The following OSGIN1 variants were observed in gnomAD, a reference collection of about 807,000 sequenced individuals.
The protein encoded by OSGIN1 is oxidative stress induced growth inhibitor 1.
OSGIN1 carries 19 observed loss-of-function variants against 20.1 expected under a neutral mutation model. The observed-to-expected ratio is 0.95, with a 90% CI of 0.66 to 1.39. The LOEUF (loss-of-function observed/expected upper bound fraction) is 1.39, where lower values mean the gene tolerates loss of function less well. OSGIN1 is among the 40% of genes most tolerant of loss of function. The pLI is 0.00. For synonymous variants in OSGIN1, 368 were observed against 297.8 expected (o/e 1.24, Z -2.43); for missense variants, 820 against 653.0 (o/e 1.26, Z -2.79).
At chr16:83,958,518 C>A (rs1328750784) in intron 2 of OSGIN1, among the ~76,000 whole-genome samples, 3 of 152,172 alleles carry the variant, frequency 2.0e-5, no homozygotes, top group Non-Finnish European at 4.4e-5. Context: ...GTGAGATGGT[C>A]ATTTCTGTAA....
In OSGIN1 at chr16:83,958,663, C is replaced by T. The variant is rs79243854; in HGVS notation, c.68-597C>T. ...AGAGAAGCGCTATCACAGGGCTGTG[C>T]CTGGTGAATCGCCCAGGAAGCGCCA... On this transcript the variant is annotated intron_variant, in intron 2 of 5. Transcript: ENST00000393306. Among the ~76,000 whole-genome samples the T allele has an allele frequency of 6.3e-3, 961 of 152,340 alleles. 11 individuals are homozygous for T. Among genetic ancestry groups the T allele is most frequent in the African/African-American group, 0.022 (918 of 41,576 alleles).
In OSGIN1 at chr16:83,953,244, C is replaced by T. The variant is rs1343271942; in HGVS notation, c.-159C>T. 1 of 1,283,838 alleles carries T rather than the reference C, an allele frequency of 7.8e-7. No homozygotes were observed. Among genetic ancestry groups the T allele is most frequent in the South Asian group, 1.2e-5 (1 of 80,086 alleles). The allele number at this position is 1,283,838 out of a possible 1,614,324, so 79.5% of individuals were successfully genotyped here. ...CTCACTTCCCTCTGGCCTCTCAGAGCCTCTTGGATCCCCACAGGGTAATGG... is the reference window on the plus strand; with the variant it reads ...CTCACTTCCCTCTGGCCTCTCAGAGTCTCTTGGATCCCCACAGGGTAATGG... On this transcript the variant is annotated 5_prime_UTR_variant, in exon 1 of 6. Transcript: ENST00000393306.
intron 4 of OSGIN1, 64 bp downstream of exon 4, chr16:83,960,824 C>A: frequency 6.5e-7 from 1 of 1,536,340 alleles, no homozygotes; most frequent in Non-Finnish European, 8.9e-7. Flanking sequence ...CCACTTGGGG[C>A]TGGGACTCTG....
Position 83,960,651 on chromosome 16 carries a change from A to T in OSGIN1, c.287A>T (p.Asp96Val). ...ALLFDALLRP[D>V]TDFGGNMKSV... ...CTCTTTGATGCCCTTCTACGCCCAG[A>T]CACAGACTTTGGGGGAAACATGAAG... The change falls in exon 4 of 6, where the codon GAC (aspartate) becomes GTC (valine). Residue 96 changes from aspartate (D) to valine (V), a missense_variant. Transcript: ENST00000393306. The T allele has an allele frequency of 6.2e-7, 1 of 1,613,582 alleles. No individual in the cohort carries two copies. The highest frequency in any genetic ancestry group is 8.5e-7 in the Non-Finnish European group (1 of 1,180,020).
intron 5 of OSGIN1, among the ~76,000 whole-genome samples, chr16:83,962,249 G>C (rs986493928): frequency 1.3e-5 from 2 of 152,070 alleles, no homozygotes; most frequent in Admixed American, 1.3e-4. Context: ...TTTATTTGTT[G>C]TTTGTTTTTA....
In OSGIN1 at chr16:83,959,385, A is replaced by T. The variant is rs368306055; in HGVS notation, c.193A>T (p.Ile65Phe). The T allele has an allele frequency of 1.2e-6, 2 of 1,613,718 alleles. No homozygotes were observed. The highest frequency in any genetic ancestry group is 3.3e-5 in the Admixed American group (2 of 59,980). ...GCTCACCGAGGCCCCGGGGGTCTCC[A>T]TCCTGGACCAGGTGGGTCAGCCTGG... is the stretch of plus-strand genomic sequence containing the variant. ...RKLTEAPGVS[I>F]LDQDLDYLSE... Residue 65 changes from isoleucine (I) to phenylalanine (F), a missense_variant, in exon 3 of 6, where the codon ATC (isoleucine) becomes TTC (phenylalanine). Ile to Phe is a conservative substitution (Grantham distance 21, BLOSUM62 0). Coordinates refer to ENST00000393306, the MANE Select transcript of OSGIN1 (RefSeq NM_182981.3).
At chr16:83,955,790 G>T (rs939408834) in intron 1 of OSGIN1, among the ~76,000 whole-genome samples, 2 of 152,184 alleles carry the variant, frequency 1.3e-5, no homozygotes, top group African/African-American at 4.8e-5. Flanking sequence ...AGCTGAGCAT[G>T]AAGAGGCCAT....
intron 1 of OSGIN1, 46 bp downstream of exon 1, chr16:83,953,416 C>A: frequency 7.8e-7 from 1 of 1,283,592 alleles, no homozygotes; most frequent in Non-Finnish European, 1.0e-6. Flanking sequence ...CAGGCACATC[C>A]CAGGCACCCG....
In OSGIN1 at chr16:83,965,520, G is replaced by A. The variant is rs145684148; in HGVS notation, c.947G>A (p.Arg316His). The A allele has an allele frequency of 2.9e-5, 46 of 1,612,160 alleles. No homozygotes were observed. The highest frequency in any genetic ancestry group is 6.7e-5 in the African/African-American group (5 of 74,914). Residue 316 changes from arginine (R) to histidine (H), a missense_variant, in exon 6 of 6, where the codon CGC (arginine) becomes CAC (histidine). Arg to His is a conservative substitution (Grantham distance 29). Coordinates refer to ENST00000393306, the MANE Select transcript of OSGIN1 (RefSeq NM_182981.3). ...HYNIPVIHAF[R>H]RAVDDPGLVF... Reference sequence around the variant, plus strand: ...AACATCCCGGTGATCCATGCCTTCCGCCGGGCCGTGGACGACCCTGGCCTG... The same window carrying A: ...AACATCCCGGTGATCCATGCCTTCCACCGGGCCGTGGACGACCCTGGCCTG...
Position 83,959,349 on chromosome 16 carries a change from C to CT in OSGIN1, c.158dup (p.Gln54AlafsTer37), listed in dbSNP as rs774036494. On this transcript the variant is annotated frameshift_variant, in exon 3 of 6. Transcript: ENST00000393306. LOFTEE classifies it high-confidence loss of function. ...AGATGCCATCCACCCACACCCCCTG[C>CT]TGCAGAGGAAGCTCACCGAGGCCCC... is the stretch of plus-strand genomic sequence containing the variant. The CT allele has an allele frequency of 3.7e-6, 6 of 1,613,890 alleles. No individual in the cohort carries two copies. The African/African-American group carries it at 4.0e-5, about 11-fold the overall frequency.
chr16:83,960,470 T>C, intron 3 of OSGIN1, 99 bp from the exon 4 acceptor site: 5 of 906,434 alleles, frequency 5.5e-6, no homozygotes, highest in Non-Finnish European at 5.2e-6. Context: ...GCCAGGGAAA[T>C]GGCCCGGCCC....
rs567875960 is a variant in OSGIN1 at position 83,959,457 on chromosome 16, C to T, written c.204+61C>T. On this transcript the variant is annotated intron_variant, in intron 3 of 5. Coordinates refer to ENST00000393306, the MANE Select transcript of OSGIN1 (RefSeq NM_182981.3). The stretch of plus-strand genomic sequence containing the variant: ...ATACCCGCCCTTGGAAAACTACCGC[C>T]GCTTTCCCAGGGAAAAACAAAAGTG... 1.5e-5 allele frequency: 22 copies of T among 1,487,612 alleles called. No individual in the cohort carries two copies. The East Asian group carries it at 3.5e-4, about 24-fold the overall frequency. The allele number at this position is 1,487,612 out of a possible 1,614,324, so 92.2% of individuals were successfully genotyped here. A position where few individuals can be genotyped will look rare whatever the true frequency, so the allele number is the denominator to read the frequency against.
intron 2 of OSGIN1, among the ~76,000 whole-genome samples, chr16:83,958,359 C>A (rs1909042990): frequency 6.6e-6 from 1 of 152,180 alleles, no homozygotes; most frequent in Admixed American, 6.5e-5. Context: ...TGGTCCTGAG[C>A]CCACACTGAT....
intron 2 of OSGIN1, 110 bp from the exon 3 acceptor site, chr16:83,959,150 A>G (rs767355017): frequency 6.6e-6 from 5 of 752,682 alleles, no homozygotes; most frequent in Non-Finnish European, 1.1e-5. Flanking sequence ...ATTTATTTTT[A>G]TGAATGAAGG....
intron 5 of OSGIN1, among the ~76,000 whole-genome samples, chr16:83,962,862 C>T (rs183871918): frequency 2.4e-4 from 36 of 152,270 alleles, no homozygotes; most frequent in Admixed American, 4.6e-4. Flanking sequence ...TTGAGTAGGA[C>T]GGGAGGCAGC....
intron 4 of OSGIN1, 91 bp from the exon 5 acceptor site, chr16:83,960,890 A>C: frequency 6.7e-7 from 1 of 1,502,648 alleles, no homozygotes; most frequent in East Asian, 2.3e-5. Flanking sequence ...TCCTCCCTCT[A>C]CCCAGCCCCA....
At position 83,965,367 on chromosome 16, in the gene OSGIN1, T is replaced by G. The variant is rs2084265185; in HGVS notation, c.794T>G (p.Ile265Ser). The change falls in exon 6 of 6, where the codon ATC becomes AGC. Residue 265 changes from isoleucine (I) to serine (S), a missense_variant. Coordinates refer to ENST00000393306, the MANE Select transcript of OSGIN1 (RefSeq NM_182981.3). ...LGIPGEALPF[I>S]HHELSALEAA... ...ATCCCCGGGGAGGCCCTGCCCTTCA[T>G]CCACCATGAGCTGTCTGCCCTGGAG... 6.4e-7 allele frequency: 1 copy of G among 1,571,358 alleles called. No homozygotes were observed. Among genetic ancestry groups the G allele is most frequent in the African/African-American group, 1.3e-5 (1 of 74,316 alleles).
chr16:83,956,280 C>G (rs916573967), intron 1 of OSGIN1, among the ~76,000 whole-genome samples: 14 of 152,260 alleles, frequency 9.2e-5, no homozygotes, highest in African/African-American at 3.4e-4. Flanking sequence ...TCAGAGGCCA[C>G]ACACTGGTCT....
chr16:83,965,953 C>T lies in OSGIN1; in HGVS notation c.1380C>T (p.Gly460=), dbSNP rs536349060. ...ACTTCGTGAGGTTTGTGCAGGGGGG[C>T]GCCTTGGCTGTGGCCAGCTCCCTGC... ...GDNFVRFVQG[G]ALAVASSLLR... is the part of the protein sequence containing the mutation. The change falls in exon 6 of 6, where the codon GGC becomes GGT. Residue 460 remains glycine (G), a synonymous_variant. Transcript: ENST00000393306. 46 of 1,609,922 alleles carry T rather than the reference C, an allele frequency of 2.9e-5. No individual in the cohort carries two copies. The highest frequency in any genetic ancestry group is 1.7e-4 in the Middle Eastern group (1 of 6,054).
Sources: allele counts gnomAD v4.1 joint callset (sites outside exome capture counted in the v4.1 genomes callset), GRCh38; gene constraint gnomAD v4.1.1; transcripts MANE v1.5; gene names NCBI Gene and HGNC (gene_info 2026-07-23, HGNC 2026-07-21).